THSD7B: variants seen among roughly 807,000 people sequenced by gnomAD.
THSD7B encodes the protein thrombospondin type 1 domain containing 7B, also known as thrombospondin type-1 domain-containing protein 7B.
A neutral mutation model predicts 213.6 loss-of-function variants in THSD7B; 138 were observed. The ratio of observed to expected loss-of-function variants is 0.65; its 90% CI spans 0.56 to 0.74. The LOEUF (loss-of-function observed/expected upper bound fraction) is 0.74, where lower values mean the gene tolerates loss of function less well. Ranked by LOEUF, THSD7B falls within the 30% of genes least tolerant of loss-of-function variation. The pLI, the probability that THSD7B is intolerant of heterozygous loss-of-function variation, is 0.00. For missense variants in THSD7B, 1,931 were observed against 1,991.5 expected (o/e 0.97, Z 0.58); for synonymous variants, 742 against 687.0 (o/e 1.08, Z -1.25).
chr2:136,835,810 A>G (rs141073858), intron 1 of THSD7B, among the ~76,000 whole-genome samples: 69 of 152,316 alleles, frequency 4.5e-4, no homozygotes, highest in African/African-American at 1.6e-3. Context: ...ACTGGTACAC[A>G]TTTGAGTTGT....
At chr2:137,313,302 C>G (rs1223975579) in intron 12 of THSD7B, among the ~76,000 whole-genome samples, 1 of 152,014 alleles carries the variant, frequency 6.6e-6, no homozygotes, top group African/African-American at 2.4e-5. Context: ...GGTTTAAAGT[C>G]TGTTTTATCA....
intron 5 of THSD7B, among the ~76,000 whole-genome samples, chr2:137,132,662 C>G (rs1269633735): frequency 6.6e-6 from 1 of 152,116 alleles, no homozygotes; most frequent in Non-Finnish European, 1.5e-5. Flanking sequence ...ATCATAAGGT[C>G]TACAATTGGA....
At chr2:137,014,925 C>T (rs1160186193) in intron 2 of THSD7B, among the ~76,000 whole-genome samples, 1 of 152,094 alleles carries the variant, frequency 6.6e-6, no homozygotes, top group Non-Finnish European at 1.5e-5. Flanking sequence ...CCCCTGTGTC[C>T]TTCCCTACCT....
At position 137,014,197 on chromosome 2, in the gene THSD7B, C is replaced by A. The variant is rs114562928; in HGVS notation, c.140-42223C>A. On this transcript the variant is annotated intron_variant, in intron 2 of 27. Transcript: ENST00000409968. ...GTGAGAAAAGTGAAGTTCAAAGATG[C>A]CAGCAACTCCTTCAGGATGGTGAAG... Among the ~76,000 whole-genome samples the A allele has an allele frequency of 5.1e-3, 776 of 152,192 alleles. 6 individuals are homozygous for A. The highest frequency in any genetic ancestry group is 0.017 in the African/African-American group (721 of 41,540).
At chr2:137,302,735 A>G (rs1289483324) in intron 12 of THSD7B, among the ~76,000 whole-genome samples, 3 of 152,270 alleles carry the variant, frequency 2.0e-5, no homozygotes, top group East Asian at 1.9e-4. Flanking sequence ...AGAGAAACTC[A>G]TGAGGGAGAA....
chr2:137,568,828 C>A (rs557419974), intron 16 of THSD7B, among the ~76,000 whole-genome samples: 26 of 152,272 alleles, frequency 1.7e-4, no homozygotes, highest in African/African-American at 6.3e-4. Flanking sequence ...TGGGTGGGGA[C>A]ACCAAGCCTA....
At chr2:137,379,343 G>A (rs1372675839) in intron 12 of THSD7B, among the ~76,000 whole-genome samples, 2 of 152,244 alleles carry the variant, frequency 1.3e-5, no homozygotes, top group Middle Eastern at 3.4e-3. Flanking sequence ...TGGTACTTAC[G>A]AGTCAATTAA....
intron 2 of THSD7B, among the ~76,000 whole-genome samples, chr2:136,913,581 G>T (rs7567499): frequency 0.41 from 62,772 of 151,748 alleles, 14,883 homozygotes; most frequent in Non-Finnish European, 0.55. Context: ...GGATCCCCAT[G>T]CTGCATGCAG....
intron 14 of THSD7B, among the ~76,000 whole-genome samples, chr2:137,430,219 G>A (rs1687145609): frequency 6.6e-6 from 1 of 152,066 alleles, no homozygotes; most frequent in Non-Finnish European, 1.5e-5. Flanking sequence ...TACCCTCTAA[G>A]CCTGGGTGGC....
At chr2:137,413,016 A>T (rs564018586) in intron 14 of THSD7B, among the ~76,000 whole-genome samples, 1 of 152,262 alleles carries the variant, frequency 6.6e-6, no homozygotes, top group East Asian at 1.9e-4. Context: ...CCAGAAAATC[A>T]AATTCAATTA....
In THSD7B at chr2:137,231,163, C is replaced by T; in HGVS notation, c.1843C>T (p.Gln615Ter). The T allele has an allele frequency of 6.2e-7, 1 of 1,613,604 alleles. No homozygotes were observed. Among genetic ancestry groups the T allele is most frequent in the Non-Finnish European group, 8.5e-7 (1 of 1,179,732 alleles). Reference protein sequence around the residue: ...SEWTEWSSCSQSCSNKNSDGK... With the variant: ...SEWTEWSSCS Reference sequence around the variant, plus strand: ...GTGGACGGAGTGGTCATCCTGTTCCCAGTCCTGTTCAAATAAAAACTCAGA... The same window carrying T: ...GTGGACGGAGTGGTCATCCTGTTCCTAGTCCTGTTCAAATAAAAACTCAGA... The change falls in exon 8 of 28, where the codon CAG (glutamine) becomes TAG (stop). Residue 615 changes from glutamine to a stop codon, truncating the protein, a stop_gained. Coordinates refer to ENST00000409968, the MANE Select transcript of THSD7B (RefSeq NM_001316349.2). LOFTEE classifies it high-confidence loss of function.
At chr2:137,319,420 C>T (rs1684214469) in intron 12 of THSD7B, among the ~76,000 whole-genome samples, 1 of 152,118 alleles carries the variant, frequency 6.6e-6, no homozygotes, top group African/African-American at 2.4e-5. Context: ...TTACTATCTA[C>T]AGAGCAATGT....
At chr2:137,330,417 G>C (rs891112090) in intron 12 of THSD7B, among the ~76,000 whole-genome samples, 1 of 152,322 alleles carries the variant, frequency 6.6e-6, no homozygotes, top group East Asian at 1.9e-4. Context: ...TGGGTTCTTG[G>C]TCTCACTGAC....
intron 17 of THSD7B, among the ~76,000 whole-genome samples, chr2:137,580,486 C>T (rs1681550700): frequency 6.6e-6 from 1 of 152,102 alleles, no homozygotes; most frequent in Non-Finnish European, 1.5e-5. Flanking sequence ...GACATACACC[C>T]ATATAATATA....
chr2:137,001,901 T>A (rs975919767), intron 2 of THSD7B, among the ~76,000 whole-genome samples: 1 of 152,198 alleles, frequency 6.6e-6, no homozygotes, highest in African/African-American at 2.4e-5. Flanking sequence ...TTTTTCTTTT[T>A]TCTTATAAAA....
At chr2:136,777,937 G>T (rs1016154108) in intron 1 of THSD7B, among the ~76,000 whole-genome samples, 4 of 152,130 alleles carry the variant, frequency 2.6e-5, no homozygotes, top group African/African-American at 9.7e-5. Flanking sequence ...GGACTTTGAA[G>T]CCAAAAAGTT....
At chr2:137,112,750 T>C (rs569723300) in intron 4 of THSD7B, among the ~76,000 whole-genome samples, 1 of 149,234 alleles carries the variant, frequency 6.7e-6, no homozygotes, top group South Asian at 2.2e-4. Context: ...AATGAAATCC[T>C]CATAAATAAA....
At chr2:137,443,576 T>C (rs1687464378) in intron 14 of THSD7B, among the ~76,000 whole-genome samples, 1 of 152,104 alleles carries the variant, frequency 6.6e-6, no homozygotes, top group African/African-American at 2.4e-5. Flanking sequence ...ATCTTGTCAA[T>C]CCTTTACTAA....
At chr2:136,961,565 A>G (rs1268058257) in intron 2 of THSD7B, among the ~76,000 whole-genome samples, 1 of 152,104 alleles carries the variant, frequency 6.6e-6, no homozygotes, top group Non-Finnish European at 1.5e-5. Context: ...GATGGCCATG[A>G]TGGATCATTC....
Sources: allele counts gnomAD v4.1 joint callset (sites outside exome capture counted in the v4.1 genomes callset), GRCh38; gene constraint gnomAD v4.1.1; transcripts MANE v1.5; gene names NCBI Gene and HGNC (gene_info 2026-07-23, HGNC 2026-07-21).